The following PHF24 variants were observed in gnomAD, a reference collection of about 807,000 sequenced individuals.
The protein encoded by PHF24 is PHD finger protein 24, also known as Galpha inhibitory interacting protein.
PHF24 carries 25 observed loss-of-function variants against 42.6 expected under a neutral mutation model. The observed-to-expected ratio is 0.59, with a 90% CI of 0.43 to 0.82. PHF24 has a LOEUF of 0.82. PHF24 is among the 40% of genes least tolerant of loss of function. PHF24 has a pLI of 0.00. For synonymous variants in PHF24, 185 were observed against 204.8 expected (o/e 0.90, Z 0.83); for missense variants, 470 against 538.1 (o/e 0.87, Z 1.25).
the PHF24 span, among the ~76,000 whole-genome samples, chr9:34,763,310 T>C: frequency 2.6e-5 from 4 of 152,242 alleles, no homozygotes; most frequent in African/African-American, 7.2e-5. Flanking sequence ...TTTCATGACA[T>C]TGATTCTTCC....
chr9:34,718,139 T>C, the PHF24 span, among the ~76,000 whole-genome samples: 2 of 152,212 alleles, frequency 1.3e-5, no homozygotes, highest in African/African-American at 2.4e-5. Flanking sequence ...CCCAGGGACC[T>C]GCCCCTGTGG....
chr9:34,875,991 C>CTCTCTCTCTCTCTCTCT, the PHF24 span, among the ~76,000 whole-genome samples: 1 of 146,482 alleles, frequency 6.8e-6, no homozygotes, highest in African/African-American at 2.5e-5. Flanking sequence ...CTCTCTCACT[C>CTCTCTCTCTCTCTCTCT]CTTCCAAGTC....
At chr9:34,752,589 C>G in the PHF24 span, among the ~76,000 whole-genome samples, 1 of 152,148 alleles carries the variant, frequency 6.6e-6, no homozygotes, top group Non-Finnish European at 1.5e-5. Context: ...AGCGTCACTG[C>G]TGAATTTTAC....
chr9:34,903,019 T>G, the PHF24 span, among the ~76,000 whole-genome samples: 1 of 152,190 alleles, frequency 6.6e-6, no homozygotes, highest in African/African-American at 2.4e-5. Flanking sequence ...GCCAGGCCTG[T>G]TATACGCCTC....
the PHF24 span, among the ~76,000 whole-genome samples, chr9:34,790,486 T>C: frequency 8.7e-5 from 13 of 148,684 alleles, no homozygotes; most frequent in African/African-American, 3.4e-4. Context: ...CACAAAACAA[T>C]GCATATAAGT....
At chr9:34,665,751 G>C in the PHF24 span, 1 of 692,360 alleles carries the variant, frequency 1.4e-6, no homozygotes, top group Admixed American at 2.0e-5. Flanking sequence ...CTCAGGACGA[G>C]GCTGCCCAGT....
At chr9:34,727,047 T>C in the PHF24 span, 12 of 1,509,624 alleles carry the variant, frequency 7.9e-6, no homozygotes, top group Non-Finnish European at 1.1e-5. Flanking sequence ...CTTGGAAGAG[T>C]GTGGGCTGGA....
chr9:34,737,756 C>G, the PHF24 span, among the ~76,000 whole-genome samples: 1 of 152,128 alleles, frequency 6.6e-6, no homozygotes, highest in Admixed American at 6.6e-5. Flanking sequence ...TAAAAGCCAA[C>G]TGAGGCATAT....
At chr9:34,700,044 G>A in the PHF24 span, among the ~76,000 whole-genome samples, 2 of 152,308 alleles carry the variant, frequency 1.3e-5, no homozygotes, top group Non-Finnish European at 2.9e-5. Context: ...TCCATGCAGA[G>A]GTCTGTGGGA....
chr9:34,752,416 C>T, the PHF24 span, among the ~76,000 whole-genome samples: 1 of 151,996 alleles, frequency 6.6e-6, no homozygotes, highest in Non-Finnish European at 1.5e-5. Context: ...CAACTATATG[C>T]CAATAAATGG....
the PHF24 span, among the ~76,000 whole-genome samples, chr9:34,817,535 T>G: frequency 6.6e-6 from 1 of 152,146 alleles, no homozygotes; most frequent in Non-Finnish European, 1.5e-5. Context: ...TTATATCTTC[T>G]TTTTGTGGGA....
chr9:34,729,398 T>A, the PHF24 span: 15 of 1,550,950 alleles, frequency 9.7e-6, no homozygotes, highest in African/African-American at 1.4e-5. Context: ...GATATCCAAC[T>A]TCCCACAGAA....
At chr9:34,829,458 C>T in the PHF24 span, among the ~76,000 whole-genome samples, 1 of 152,154 alleles carries the variant, frequency 6.6e-6, no homozygotes, top group Non-Finnish European at 1.5e-5. Context: ...TTATGTTTGG[C>T]ATAGTACTTG....
the PHF24 span, chr9:34,836,964 C>A: frequency 1.0e-5 from 4 of 398,930 alleles, no homozygotes; most frequent in South Asian, 7.8e-5. Flanking sequence ...TGTATGTCTC[C>A]CTCCCAGCCA....
At chr9:34,763,435 A>G in the PHF24 span, among the ~76,000 whole-genome samples, 1 of 152,148 alleles carries the variant, frequency 6.6e-6, no homozygotes, top group African/African-American at 2.4e-5. Flanking sequence ...TTAGATTCCT[A>G]GGTATTTTAT....
the PHF24 span, chr9:34,691,144 G>A: frequency 6.2e-7 from 1 of 1,613,314 alleles, no homozygotes; most frequent in Non-Finnish European, 8.5e-7. Context: ...GGCCATGGAG[G>A]GTGAACAGAG....
At chr9:34,727,985 G>A in the PHF24 span, 1 of 1,542,340 alleles carries the variant, frequency 6.5e-7, no homozygotes, top group East Asian at 2.5e-5. Flanking sequence ...CATAGGCCAG[G>A]CTGGTTGTTG....
At chr9:34,802,008 C>T in the PHF24 span, among the ~76,000 whole-genome samples, 3 of 152,038 alleles carry the variant, frequency 2.0e-5, no homozygotes, top group African/African-American at 7.2e-5. Flanking sequence ...CAAACCATCA[C>T]GGCACATCTA....
At chr9:34,679,776 G>T in the PHF24 span, among the ~76,000 whole-genome samples, 1 of 152,188 alleles carries the variant, frequency 6.6e-6, no homozygotes, top group Non-Finnish European at 1.5e-5. Context: ...TCTAGGAGCT[G>T]GGAGCTTCAG....
Sources: gnomAD v4.1 joint callset for allele counts (sites outside exome capture counted in the v4.1 genomes callset) on GRCh38, gnomAD v4.1.1 for gene constraint, MANE v1.5 for transcripts, NCBI Gene and HGNC (gene_info 2026-07-23, HGNC 2026-07-21) for gene names.